Variants in SPTBN1 observed in about 807,000 individuals in gnomAD.
SPTBN1 encodes the protein spectrin beta, non-erythrocytic 1, also known as spectrin beta chain, non-erythrocytic 1.
SPTBN1 carries 32 observed loss-of-function variants against 266.4 expected under a neutral mutation model. That is an observed-to-expected ratio of 0.12 (90% CI 0.09 to 0.16). The LOEUF (loss-of-function observed/expected upper bound fraction) is 0.16. Among genes scored for constraint, SPTBN1 ranks in the 10% least tolerant of loss-of-function variants. The probability of loss-of-function intolerance (pLI) is 1.00; values close to 1 mark genes in which losing one functional copy is unlikely to be tolerated. For synonymous variants in SPTBN1, 1,336 were observed against 1,162.2 expected, an observed-to-expected ratio of 1.15 and a Z score of -3.04; for missense variants, 2,296 against 3,067.1, an observed-to-expected ratio of 0.75 and a Z score of 5.94.
rs1673039847 is a variant in SPTBN1 at position 54,558,544 on chromosome 2, C to T, written c.148+31978C>T. On this transcript the variant is annotated intron_variant, in intron 2 of 35. Coordinates refer to ENST00000356805, the MANE Select transcript of SPTBN1 (RefSeq NM_003128.3). The surrounding 1 kb of genome is among the most constrained non-coding windows in gnomAD (Gnocchi z 4.6). The stretch of plus-strand genomic sequence containing the variant: ...TTATTTCGAGCTTCCAGGCAAGGGC[C>T]ACGGAAGAAGGGAAAGCAAGAAATT... 1 of 1,289,106 alleles carries T rather than the reference C, an allele frequency of 7.8e-7. No homozygotes were observed. The highest frequency in any genetic ancestry group is 9.8e-7 in the Non-Finnish European group (1 of 1,015,794). The allele number at this position is 1,289,106 out of a possible 1,614,324, so 79.9% of individuals were successfully genotyped here.
intron 2 of SPTBN1, among the ~76,000 whole-genome samples, chr2:54,563,770 A>AT (rs1355370243): frequency 6.6e-6 from 1 of 151,268 alleles, no homozygotes. Flanking sequence ...CGCCCGGCTA[A>AT]TTTTTGCATT....
At chr2:54,615,163 TC>T (rs1196565648) in intron 4 of SPTBN1, among the ~76,000 whole-genome samples, 1 of 152,152 alleles carries the variant, frequency 6.6e-6, no homozygotes, top group Non-Finnish European at 1.5e-5. Context: ...TTGTTTCAAT[TC>T]CCAGGTGTTT....
rs746897447 is a variant in SPTBN1 at position 54,562,533 on chromosome 2, C to CTTTTTTTCTTTTTTTTTTTTTTTT, written c.148+35974_148+35975insCTTTTTTTTTTTTTTTTTTTTTTT. 2.8e-4 allele frequency among the ~76,000 whole-genome samples: 36 copies of CTTTTTTTCTTTTTTTTTTTTTTTT among 126,810 alleles called. 3 individuals carry two copies. Among genetic ancestry groups the CTTTTTTTCTTTTTTTTTTTTTTTT allele is most frequent in the African/African-American group, 8.7e-4 (27 of 30,900 alleles). 83.2% of individuals were successfully genotyped at this position (126,810 alleles called of 152,430 possible). Reference sequence around the variant, plus strand: ...AAATGCTTACTTTTCTTTTCTTTTTCTTTTTTTTTTTTGAGGCAAGGTCTG... The same window carrying CTTTTTTTCTTTTTTTTTTTTTTTT: ...AAATGCTTACTTTTCTTTTCTTTTTCTTTTTTTCTTTTTTTTTTTTTTTTTTTTTTTTTTTTGAGGCAAGGTCTG... On this transcript the variant is annotated intron_variant, in intron 2 of 35. Transcript: ENST00000356805.
intron 1 of SPTBN1, among the ~76,000 whole-genome samples, chr2:54,514,908 C>G (rs1427650992): frequency 2.6e-5 from 4 of 152,172 alleles, no homozygotes; most frequent in African/African-American, 9.7e-5. Context: ...AACAAAACCC[C>G]CTTCTTGCCT....
intron 3 of SPTBN1, among the ~76,000 whole-genome samples, chr2:54,606,515 C>G (rs959479479): frequency 1.3e-5 from 2 of 152,156 alleles, no homozygotes; most frequent in African/African-American, 4.8e-5. Flanking sequence ...ATGTCAGAAG[C>G]CCCTGCACCT....
At chr2:54,545,030 G>T (rs1179074430) in intron 2 of SPTBN1, among the ~76,000 whole-genome samples, 1 of 152,144 alleles carries the variant, frequency 6.6e-6, no homozygotes, top group African/African-American at 2.4e-5. Context: ...AGCGGTGTTT[G>T]GTTTTCTGTC....
intron 2 of SPTBN1, among the ~76,000 whole-genome samples, chr2:54,560,603 T>G (rs994569273): frequency 6.6e-6 from 1 of 152,206 alleles, no homozygotes; most frequent in African/African-American, 2.4e-5. Flanking sequence ...ATACGCTGTT[T>G]CTCAAGGAAA....
chr2:54,573,284 G>C (rs182296105), intron 2 of SPTBN1, among the ~76,000 whole-genome samples: 1 of 152,278 alleles, frequency 6.6e-6, no homozygotes, highest in Admixed American at 6.5e-5. Flanking sequence ...ATAGGGTGGA[G>C]GAAATGGGGA....
rs1411721276 is a variant in SPTBN1 at position 54,645,776 on chromosome 2, A to AC, written c.4495-151dup. 2 of 776,326 alleles carry AC rather than the reference A, an allele frequency of 2.6e-6. No homozygotes were observed. The highest frequency in any genetic ancestry group is 5.1e-5 in the Admixed American group (2 of 39,580). 48.1% of individuals were successfully genotyped at this position (776,326 alleles called of 1,614,324 possible). A position where few individuals can be genotyped will look rare whatever the true frequency, so the allele number is the denominator to read the frequency against. On this transcript the variant is annotated intron_variant, in intron 21 of 35. Coordinates refer to ENST00000356805, the MANE Select transcript of SPTBN1 (RefSeq NM_003128.3). This position sits in a 1 kb window ranked among gnomAD's most constrained non-coding sequence, Gnocchi z 4.3. ...ACTCTCCCTAGCCCTGTCTCGGAGA[A>AC]CAAGGGCGTGCTTCCCCAGACAGCC...
intron 1 of SPTBN1, among the ~76,000 whole-genome samples, chr2:54,518,077 G>C (rs1410983864): frequency 2.0e-5 from 3 of 151,872 alleles, no homozygotes; most frequent in African/African-American, 7.3e-5. Context: ...TAATTATCAT[G>C]CCGTGACTTT....
Position 54,624,863 on chromosome 2 carries a change from C to G in SPTBN1, c.1242C>G (p.Leu414=), listed in dbSNP as rs756836467. The change falls in exon 11 of 36, where the codon CTC becomes CTG. Residue 414 remains leucine, a synonymous_variant. Coordinates refer to ENST00000356805, the MANE Select transcript of SPTBN1 (RefSeq NM_003128.3). ...GAGAACTGGCTTTGCGGAATGAGCT[C>G]ATAAGACAGGAGAAACTGGAACAGC... is the stretch of plus-strand genomic sequence containing the variant. The part of the protein sequence containing the change: ...HERELALRNE[L]IRQEKLEQLA... 6.2e-7 allele frequency: 1 copy of G among 1,614,046 alleles called. No individual in the cohort carries two copies. The highest frequency in any genetic ancestry group is 1.3e-5 in the African/African-American group (1 of 74,924).
chr2:54,559,197 T>TA (rs1673104531), intron 2 of SPTBN1, among the ~76,000 whole-genome samples: 1 of 152,140 alleles, frequency 6.6e-6, no homozygotes, highest in Non-Finnish European at 1.5e-5. Context: ...ATAGACTTAT[T>TA]AGTATGCAGG....
intron 1 of SPTBN1, among the ~76,000 whole-genome samples, chr2:54,468,326 A>C (rs964351072): frequency 6.8e-6 from 1 of 147,770 alleles, no homozygotes; most frequent in African/African-American, 2.7e-5. Context: ...AAAATAAAAA[A>C]ATAAAAAATA....
chr2:54,545,405 G>A (rs1032762333), intron 2 of SPTBN1: 1 of 152,084 alleles, frequency 6.6e-6, no homozygotes, highest in Admixed American at 6.5e-5. Context: ...CCATTACTGG[G>A]TATATATAAA....
chr2:54,655,877 C>T, intron 28 of SPTBN1, 37 bp from the exon 29 acceptor site: 1 of 1,526,562 alleles, frequency 6.6e-7, no homozygotes, highest in African/African-American at 1.4e-5. Context: ...GTGGTGCATT[C>T]CATTAAGATG....
intron 1 of SPTBN1, among the ~76,000 whole-genome samples, chr2:54,503,877 A>G (rs1573290072): frequency 3.3e-5 from 5 of 152,306 alleles, no homozygotes; most frequent in Admixed American, 2.6e-4. Context: ...TAATCTATAT[A>G]TGGAAGATGT....
rs987197250 is a variant in SPTBN1 at position 54,655,114 on chromosome 2, T to C, written c.5867T>C (p.Ile1956Thr). The change falls in exon 28 of 36, where the codon ATC becomes ACC. Residue 1956 changes from isoleucine (I) to threonine (T), a missense_variant. Ile to Thr is a moderately conservative substitution (Grantham distance 89). Around this residue, in one of 12 missense-constraint regions of SPTBN1, gnomAD observed 644 missense variants for 745.3 expected, o/e 0.86. Coordinates refer to ENST00000356805, the MANE Select transcript of SPTBN1 (RefSeq NM_003128.3). ...VELLMNNHQG[I>T]KAEIDARNDS... ...CTCTTAATGAATAATCATCAAGGCA[T>C]CAAAGCTGAAATTGATGCACGTAAT... 6.2e-7 allele frequency: 1 copy of C among 1,614,190 alleles called. No homozygotes were observed. The highest frequency in any genetic ancestry group is 8.5e-7 in the Non-Finnish European group (1 of 1,180,024).
At chr2:54,457,806 G>C (rs1181323695) in intron 1 of SPTBN1, among the ~76,000 whole-genome samples, 1 of 152,248 alleles carries the variant, frequency 6.6e-6, no homozygotes, top group Non-Finnish European at 1.5e-5. Flanking sequence ...TCAGCTAGGT[G>C]TGAGCAGGGG....
At chr2:54,459,494 ACTG>A (rs1458942400) in intron 1 of SPTBN1, among the ~76,000 whole-genome samples, 5 of 152,230 alleles carry the variant, frequency 3.3e-5, no homozygotes, top group Non-Finnish European at 5.9e-5. Context: ...GGATTTTACT[ACTG>A]CTAACATAGA....
Sources: gnomAD v4.1 joint callset for allele counts (sites outside exome capture counted in the v4.1 genomes callset) on GRCh38, gnomAD v4.1.1 for gene constraint, gnomAD v4.1.1 regional missense constraint, Gnocchi (gnomAD v3.1) non-coding constraint, MANE v1.5 for transcripts, NCBI Gene and HGNC (gene_info 2026-07-23, HGNC 2026-07-21) for gene names.